TMED3: variants seen among roughly 807,000 people sequenced by gnomAD.
The protein encoded by TMED3 is transmembrane p24 trafficking protein 3, also known as transmembrane emp24 domain-containing protein 3.
A neutral mutation model predicts 15.0 loss-of-function variants in TMED3; 9 were observed. That is an observed-to-expected ratio of 0.60 (90% CI 0.36 to 1.04). The LOEUF (loss-of-function observed/expected upper bound fraction) is 1.04, where lower values mean the gene tolerates loss of function less well. Ranked by LOEUF, TMED3 falls within the 50% of genes least tolerant of loss-of-function variation. The pLI is 0.01. For synonymous variants in TMED3, 117 were observed against 121.4 expected (o/e 0.96, Z 0.24); for missense variants, 267 against 278.9 (o/e 0.96, Z 0.30).
intron 2 of TMED3, among the ~76,000 whole-genome samples, chr15:79,337,037 T>C (rs1272592860): frequency 6.6e-6 from 1 of 152,210 alleles, no homozygotes; most frequent in African/African-American, 2.4e-5. Flanking sequence ...GTATGTGAAC[T>C]GACCAGAATC....
rs545679919 is a variant in TMED3, at chr15:79,352,114, C to T, written c.417+38109C>T. Among the ~76,000 whole-genome samples, 9 of 152,042 alleles carry T rather than the reference C, an allele frequency of 5.9e-5. No individual in the cohort carries two copies. In the East Asian group the frequency reaches 1.4e-3, roughly 23 times the overall value. ...GGGGTAAAAACCTACCTATTGGGGA[C>T]GGTGTACACTGCACGGGTGATGGGT... On this transcript the variant is annotated intron_variant, in intron 2 of 2. Coordinates refer to the TMED3 transcript ENST00000424155.
intron 2 of TMED3, among the ~76,000 whole-genome samples, chr15:79,352,093 T>G (rs2058893134): frequency 6.6e-6 from 1 of 150,770 alleles, no homozygotes; most frequent in South Asian, 2.1e-4. Flanking sequence ...GGGTGAGGGG[T>G]AAAAACCTAC....
At chr15:79,326,787 G>A (rs912793261), downstream of TMED3, among the ~76,000 whole-genome samples, 1 of 152,140 alleles carries the variant, frequency 6.6e-6, no homozygotes, top group Non-Finnish European at 1.5e-5. Context: ...TGAGATTAGT[G>A]CTCTTATAAA....
At chr15:79,344,060 T>G (rs8023863) in intron 2 of TMED3, among the ~76,000 whole-genome samples, 14,350 of 152,216 alleles carry the variant, frequency 0.094, 713 homozygotes, top group Admixed American at 0.12. Flanking sequence ...GCCTACGTAG[T>G]TCACCAAGTA....
At chr15:79,404,624 C>G (rs1275604302) in intron 2 of TMED3, among the ~76,000 whole-genome samples, 4 of 152,212 alleles carry the variant, frequency 2.6e-5, no homozygotes, top group Non-Finnish European at 4.4e-5. Flanking sequence ...TTTCCTTTGT[C>G]CTTCTGACCT....
intron 2 of TMED3, among the ~76,000 whole-genome samples, chr15:79,354,818 A>G (rs559246440): frequency 6.6e-6 from 1 of 152,138 alleles, no homozygotes; most frequent in African/African-American, 2.4e-5. Flanking sequence ...CTAAATTTCA[A>G]CTGTTCCCCT....
chr15:79,410,061 A>G (rs1157204185), intron 2 of TMED3, among the ~76,000 whole-genome samples: 1 of 152,134 alleles, frequency 6.6e-6, no homozygotes, highest in Non-Finnish European at 1.5e-5. Context: ...ATACCCGATG[A>G]ATTTTACGCC....
chr15:79,400,559 CT>C (rs1893821076), intron 2 of TMED3, among the ~76,000 whole-genome samples: 2 of 152,132 alleles, frequency 1.3e-5, no homozygotes, highest in Admixed American at 6.5e-5. Context: ...TGATTAGAGC[CT>C]TCTCGTTATC....
At chr15:79,335,158 G>T (rs12915666) in intron 2 of TMED3, among the ~76,000 whole-genome samples, 37,719 of 151,990 alleles carry the variant, frequency 0.25, 5,855 homozygotes, top group Middle Eastern at 0.41. Flanking sequence ...TTTCAAAGAC[G>T]TAAAAAAAGA....
At chr15:79,330,178 A>G (rs1486636159) in intron 2 of TMED3, among the ~76,000 whole-genome samples, 1 of 152,244 alleles carries the variant, frequency 6.6e-6, no homozygotes, top group African/African-American at 2.4e-5. Context: ...TCAACATAGT[A>G]CTGGAAGTCC....
chr15:79,342,820 T>A lies in TMED3; in HGVS notation c.417+28815T>A, dbSNP rs1352412358. Among the ~76,000 whole-genome samples the A allele has an allele frequency of 5.3e-5, 8 of 152,312 alleles. No individual in the cohort carries two copies. The South Asian group carries it at 1.7e-3, about 32-fold the overall frequency. On this transcript the variant is annotated intron_variant, in intron 2 of 2. Transcript: ENST00000424155. ...GAGATAATAACATAAAACACAAAGT[T>A]CCTGCCTTTGTGAAACTTACATCTC...
chr15:79,376,599 T>C (rs770979457), intron 2 of TMED3, among the ~76,000 whole-genome samples: 1 of 152,214 alleles, frequency 6.6e-6, no homozygotes, highest in African/African-American at 2.4e-5. Flanking sequence ...GTTATTTGAC[T>C]AGCTCAGATA....
chr15:79,380,794 C>T lies in TMED3; in HGVS notation c.418-30606C>T, dbSNP rs548940300. Among the ~76,000 whole-genome samples, 273 of 152,150 alleles carry T rather than the reference C, an allele frequency of 1.8e-3. 3 individuals are homozygous for T. Among genetic ancestry groups the T allele is most frequent in the African/African-American group, 6.5e-3 (268 of 41,520 alleles). ...TAGGCTCCGATGTCTCACTTAGCCT[C>T]ACAGAAATATCTCCCAGACCTGCAG... On this transcript the variant is annotated intron_variant, in intron 2 of 2. Transcript: ENST00000424155.
chr15:79,339,191 C>CAGGCAGGGAAGGGCCCCCTGTCCAGT (rs1358271335), intron 2 of TMED3, among the ~76,000 whole-genome samples: 1 of 152,228 alleles, frequency 6.6e-6, no homozygotes, highest in African/African-American at 2.4e-5. Context: ...CCTCAGCTGC[C>CAGGCAGGGAAGGGCCCCCTGTCCAGT]AGGCAGGGAA....
chr15:79,398,351 G>A (rs906783148), intron 2 of TMED3, among the ~76,000 whole-genome samples: 1 of 152,140 alleles, frequency 6.6e-6, no homozygotes, highest in Middle Eastern at 3.4e-3. Context: ...TGTTGCCCAG[G>A]CAGTGGCATA....
At chr15:79,349,700 C>G (rs987313228) in intron 2 of TMED3, among the ~76,000 whole-genome samples, 31 of 152,264 alleles carry the variant, frequency 2.0e-4, no homozygotes, top group Admixed American at 1.7e-3. Context: ...CTCCCAGCTC[C>G]CCAGCTGCCT....
At chr15:79,354,844 C>A (rs542819241) in intron 2 of TMED3, among the ~76,000 whole-genome samples, 2 of 152,230 alleles carry the variant, frequency 1.3e-5, no homozygotes, top group East Asian at 1.9e-4. Flanking sequence ...CTCTGCCCCC[C>A]CATTCCGTTT....
intron 2 of TMED3, among the ~76,000 whole-genome samples, chr15:79,349,057 C>T (rs1032111659): frequency 3.3e-5 from 5 of 152,030 alleles, no homozygotes; most frequent in Admixed American, 1.3e-4. Context: ...AGGGTGGTCT[C>T]GAACTCCTGG....
At chr15:79,333,878 A>G (rs118000044) in intron 2 of TMED3, among the ~76,000 whole-genome samples, 144 of 152,292 alleles carry the variant, frequency 9.5e-4, no homozygotes, top group Non-Finnish European at 1.7e-3. Context: ...TTCTCCTTCA[A>G]ACATGGTTTG....
Sources: allele counts gnomAD v4.1 joint callset (sites outside exome capture counted in the v4.1 genomes callset), GRCh38; gene constraint gnomAD v4.1.1; transcripts MANE v1.5; gene names NCBI Gene and HGNC (gene_info 2026-07-23, HGNC 2026-07-21).